S100A8: variants seen among roughly 807,000 people sequenced by gnomAD.
The protein encoded by S100A8 is S100 calcium binding protein A8, also known as protein S100-A8.
In S100A8, 1 loss-of-function variant was observed where a neutral mutation model predicts 4.2. That is an observed-to-expected ratio of 0.24 (90% CI 0.08 to 1.12). The LOEUF is 1.12. S100A8 is among the 50% of genes most tolerant of loss of function. The pLI is 0.53. For missense variants in S100A8, 96 were observed against 111.8 expected (o/e 0.86, Z 0.64); for synonymous variants, 41 against 44.7 (o/e 0.92, Z 0.33).
the S100A8 span, among the ~76,000 whole-genome samples, chr1:153,414,980 T>C: frequency 6.6e-6 from 1 of 152,186 alleles, no homozygotes; most frequent in Non-Finnish European, 1.5e-5. Context: ...TCTACCTCCA[T>C]CTGTATGCAT....
At chr1:153,421,108 C>T in the S100A8 span, 1 of 152,202 alleles carries the variant, frequency 6.6e-6, no homozygotes, top group Non-Finnish European at 1.5e-5. Flanking sequence ...GCAACATACC[C>T]CCCATCAATA....
chr1:153,392,826 G>C (rs185374469), upstream of S100A8, among the ~76,000 whole-genome samples: 285 of 152,218 alleles, frequency 1.9e-3, no homozygotes, highest in Non-Finnish European at 2.0e-3. Context: ...AATAAATCCA[G>C]CTCTCTCTGG....
the S100A8 span, among the ~76,000 whole-genome samples, chr1:153,399,195 A>T: frequency 6.6e-6 from 1 of 152,242 alleles, no homozygotes; most frequent in East Asian, 1.9e-4. Context: ...CCCACCACCA[A>T]GCCCCACATC....
At chr1:153,403,791 T>G in the S100A8 span, among the ~76,000 whole-genome samples, 1 of 152,336 alleles carries the variant, frequency 6.6e-6, no homozygotes, top group South Asian at 2.1e-4. Context: ...ATTTCCTTTT[T>G]TTAAAATCCC....
chr1:153,404,194 C>T, the S100A8 span, among the ~76,000 whole-genome samples: 1 of 152,236 alleles, frequency 6.6e-6, no homozygotes, highest in African/African-American at 2.4e-5. Flanking sequence ...CGGCACCCCA[C>T]CTGCTCAGCA....
chr1:153,408,404 A>C, the S100A8 span, among the ~76,000 whole-genome samples: 10 of 152,340 alleles, frequency 6.6e-5, no homozygotes, highest in South Asian at 1.9e-3. Flanking sequence ...GAATGAAATG[A>C]AGTGAGAAGA....
chr1:153,417,974 T>A, the S100A8 span: 1 of 1,496,828 alleles, frequency 6.7e-7, no homozygotes, highest in Non-Finnish European at 9.0e-7. Context: ...TTAGGGCTGT[T>A]TTTACTCTGT....
chr1:153,405,515 C>T, the S100A8 span, among the ~76,000 whole-genome samples: 8 of 151,006 alleles, frequency 5.3e-5, no homozygotes. Context: ...GAAGGAACAT[C>T]CCCATCATAT....
chr1:153,402,650 A>T, the S100A8 span, among the ~76,000 whole-genome samples: 1 of 152,206 alleles, frequency 6.6e-6, no homozygotes, highest in Non-Finnish European at 1.5e-5. Context: ...GGGATATGCC[A>T]TGTTCATAGC....
chr1:153,399,458 G>T, the S100A8 span, among the ~76,000 whole-genome samples: 1 of 152,164 alleles, frequency 6.6e-6, no homozygotes, highest in African/African-American at 2.4e-5. Flanking sequence ...GCTTGGGTGG[G>T]GTCAGACACA....
At chr1:153,419,370 A>G in the S100A8 span, 1 of 1,521,692 alleles carries the variant, frequency 6.6e-7, no homozygotes, top group Admixed American at 2.1e-5. Context: ...CTCCCACCAG[A>G]CACTTGCCTT....
the S100A8 span, among the ~76,000 whole-genome samples, chr1:153,411,107 A>G: frequency 6.6e-6 from 1 of 152,214 alleles, no homozygotes; most frequent in African/African-American, 2.4e-5. Flanking sequence ...CCTATTCAAC[A>G]TAGTGTTGGA....
chr1:153,407,156 T>C, the S100A8 span, among the ~76,000 whole-genome samples: 1 of 152,140 alleles, frequency 6.6e-6, no homozygotes, highest in Non-Finnish European at 1.5e-5. Context: ...GAGCATGAGC[T>C]GAAGCAGGGT....
the S100A8 span, among the ~76,000 whole-genome samples, chr1:153,403,739 TCTGA>T: frequency 6.6e-6 from 1 of 152,226 alleles, no homozygotes; most frequent in Non-Finnish European, 1.5e-5. Flanking sequence ...CCAGAACCAT[TCTGA>T]CTAACAACAC....
the S100A8 span, among the ~76,000 whole-genome samples, chr1:153,409,123 A>G: frequency 4.7e-4 from 71 of 152,294 alleles, no homozygotes; most frequent in Admixed American, 9.2e-4. Flanking sequence ...ATTCACACAT[A>G]ACAATATTAA....
the S100A8 span, among the ~76,000 whole-genome samples, chr1:153,408,552 T>G: frequency 6.6e-6 from 1 of 152,188 alleles, no homozygotes; most frequent in East Asian, 1.9e-4. Context: ...GAAAACAGTC[T>G]GCAGGATATT....
At chr1:153,416,049 G>A in the S100A8 span, among the ~76,000 whole-genome samples, 1 of 152,194 alleles carries the variant, frequency 6.6e-6, no homozygotes, top group African/African-American at 2.4e-5. Context: ...TATGAGGGGA[G>A]GGTTGAGGAG....
At chr1:153,412,266 T>A in the S100A8 span, among the ~76,000 whole-genome samples, 117 of 152,158 alleles carry the variant, frequency 7.7e-4, 1 homozygote, top group East Asian at 0.022. Flanking sequence ...GAATCTACAA[T>A]GAACTCAAAC....
upstream of S100A8, among the ~76,000 whole-genome samples, chr1:153,391,773 C>T (rs1456578685): frequency 6.6e-6 from 1 of 152,152 alleles, no homozygotes; most frequent in Non-Finnish European, 1.5e-5. Context: ...TCCCTCGGCA[C>T]TTCACAAGGG....
Sources: allele counts gnomAD v4.1 joint callset (sites outside exome capture counted in the v4.1 genomes callset), GRCh38; gene constraint gnomAD v4.1.1; transcripts MANE v1.5; gene names NCBI Gene and HGNC (gene_info 2026-07-23, HGNC 2026-07-21).